GRB2: variants seen among roughly 807,000 people sequenced by gnomAD.
GRB2 encodes the protein growth factor receptor-bound protein 2.
A neutral mutation model predicts 27.4 loss-of-function variants in GRB2; 2 were observed. That is an observed-to-expected ratio of 0.07 (90% CI 0.03 to 0.23). The LOEUF (loss-of-function observed/expected upper bound fraction) is 0.23. GRB2 is among the 10% of genes least tolerant of loss of function. The pLI is 1.00. For missense variants in GRB2, 102 were observed against 282.4 expected (o/e 0.36, Z 4.58); for synonymous variants, 94 against 99.6 (o/e 0.94, Z 0.33).
At chr17:75,342,014 C>G (rs967144483) in intron 2 of GRB2, among the ~76,000 whole-genome samples, 20 of 152,180 alleles carry the variant, frequency 1.3e-4, no homozygotes, top group Non-Finnish European at 2.8e-4. Context: ...CTAGTCAACT[C>G]ACCGACCTCT....
At chr17:75,326,340 G>A in intron 3 of GRB2, 1 of 307,896 alleles carries the variant, frequency 3.2e-6, no homozygotes, top group South Asian at 3.9e-5. Flanking sequence ...CATGACAAAG[G>A]CGCCTGGGGA....
intron 2 of GRB2, among the ~76,000 whole-genome samples, chr17:75,367,193 C>T (rs1198177388): frequency 6.6e-6 from 1 of 152,052 alleles, no homozygotes; most frequent in African/African-American, 2.4e-5. Context: ...CTATTCAGGA[C>T]AGGGTCTTAC....
intron 1 of GRB2, among the ~76,000 whole-genome samples, chr17:75,398,851 G>A (rs1400999158): frequency 2.0e-5 from 3 of 151,726 alleles, no homozygotes; most frequent in Non-Finnish European, 4.4e-5. Flanking sequence ...GGGTTCAAGC[G>A]ATTCTCCTGC....
chr17:75,403,852 G>A (rs1329214175), intron 1 of GRB2, among the ~76,000 whole-genome samples: 1 of 152,204 alleles, frequency 6.6e-6, no homozygotes, highest in Non-Finnish European at 1.5e-5. Flanking sequence ...GGTGGCTCAC[G>A]CCTGTAATCC....
intron 1 of GRB2, among the ~76,000 whole-genome samples, chr17:75,402,425 T>C (rs1035300618): frequency 5.3e-5 from 8 of 152,252 alleles, no homozygotes; most frequent in South Asian, 2.1e-4. Context: ...AAATGAATCA[T>C]GCTTATAGTC....
intron 2 of GRB2, among the ~76,000 whole-genome samples, chr17:75,361,842 A>C (rs553516030): frequency 9.4e-4 from 143 of 152,120 alleles, no homozygotes; most frequent in African/African-American, 3.4e-3. Flanking sequence ...GGATTGCTTG[A>C]GGCCAGGAGT....
intron 2 of GRB2, chr17:75,339,066 G>A: frequency 7.4e-7 from 1 of 1,348,024 alleles, no homozygotes; most frequent in Non-Finnish European, 1.1e-6. Flanking sequence ...GCAGATCTAA[G>A]AGAATGCTGG....
At chr17:75,344,862 C>A (rs1389238640) in intron 2 of GRB2, among the ~76,000 whole-genome samples, 2 of 151,770 alleles carry the variant, frequency 1.3e-5, no homozygotes, top group Admixed American at 6.6e-5. Flanking sequence ...CCAACCCCCC[C>A]GCCTGGGGGA....
chr17:75,322,372 CAAAA>C (rs544297344), intron 4 of GRB2, among the ~76,000 whole-genome samples: 1 of 84,596 alleles, frequency 1.2e-5, no homozygotes, highest in South Asian at 4.2e-4. Flanking sequence ...AACTCTGTCT[CAAAA>C]AAAAAAAAAA....
At chr17:75,381,729 A>AG (rs2078929827) in intron 2 of GRB2, among the ~76,000 whole-genome samples, 1 of 142,856 alleles carries the variant, frequency 7.0e-6, no homozygotes, top group East Asian at 2.0e-4. Flanking sequence ...TCAAAAAAAA[A>AG]AAAAAGAAAA....
At chr17:75,374,403 CAAAAAAAAAA>C (rs56404809) in intron 2 of GRB2, among the ~76,000 whole-genome samples, 2 of 88,800 alleles carry the variant, frequency 2.3e-5, no homozygotes, top group Non-Finnish European at 4.2e-5. Context: ...GACTCCATAT[CAAAAAAAAAA>C]AAAAAAAAAA....
chr17:75,404,154 A>G (rs527732192), intron 1 of GRB2, among the ~76,000 whole-genome samples: 2 of 152,300 alleles, frequency 1.3e-5, no homozygotes, highest in Non-Finnish European at 2.9e-5. Context: ...TCCTATTATA[A>G]AGACATACTA....
chr17:75,387,296 A>G (rs1034699884), intron 2 of GRB2, among the ~76,000 whole-genome samples: 9 of 151,316 alleles, frequency 5.9e-5, no homozygotes, highest in African/African-American at 1.9e-4. Context: ...ACCTCTACTA[A>G]AAGTACAAAA....
chr17:75,360,959 T>C (rs1016748527), intron 2 of GRB2, among the ~76,000 whole-genome samples: 7 of 71,474 alleles, frequency 9.8e-5, no homozygotes, highest in African/African-American at 4.2e-4. Flanking sequence ...TTGGTAGAGA[T>C]GGGGTCTTGC....
intron 2 of GRB2, among the ~76,000 whole-genome samples, chr17:75,341,810 A>G (rs774899563): frequency 1.9e-4 from 29 of 152,064 alleles, no homozygotes; most frequent in Non-Finnish European, 4.0e-4. Context: ...GGAGATGGGG[A>G]CCCACCAAAT....
At chr17:75,349,590 A>G (rs937179133) in intron 2 of GRB2, among the ~76,000 whole-genome samples, 1 of 145,494 alleles carries the variant, frequency 6.9e-6, no homozygotes, top group Non-Finnish European at 1.5e-5. Context: ...GGCCCACTGC[A>G]ACCCCCGCAC....
intron 2 of GRB2, among the ~76,000 whole-genome samples, chr17:75,385,029 CAAAAAAAAAAAA>C (rs58860615): frequency 7.2e-4 from 40 of 55,326 alleles, no homozygotes; most frequent in African/African-American, 3.0e-3. Flanking sequence ...CTGGCTCTAC[CAAAAAAAAAAAA>C]AAAAAAAAAA....
chr17:75,327,332 G>C (rs2078505328), intron 3 of GRB2, among the ~76,000 whole-genome samples: 1 of 151,334 alleles, frequency 6.6e-6, no homozygotes, highest in Non-Finnish European at 1.5e-5. Context: ...GCCTGCCTTG[G>C]CCTCCCAAAG....
At chr17:75,345,808 GA>G (rs928918880) in intron 2 of GRB2, among the ~76,000 whole-genome samples, 1 of 151,992 alleles carries the variant, frequency 6.6e-6, no homozygotes, top group African/African-American at 2.4e-5. Flanking sequence ...TCAGGGAGCA[GA>G]AAACACAGGG....
Sources: gnomAD v4.1 joint callset for allele counts (sites outside exome capture counted in the v4.1 genomes callset) on GRCh38, gnomAD v4.1.1 for gene constraint, MANE v1.5 for transcripts, NCBI Gene and HGNC (gene_info 2026-07-23, HGNC 2026-07-21) for gene names.